The following CAGE1 variants were observed in gnomAD, a reference collection of about 807,000 sequenced individuals.
CAGE1 encodes cancer antigen 1, also known as cancer-associated gene 1 protein.
In CAGE1, 66 loss-of-function variants were observed where a neutral mutation model predicts 94.9. That is an observed-to-expected ratio of 0.70 (90% CI 0.57 to 0.85). CAGE1 has a LOEUF of 0.85. Among genes scored for constraint, CAGE1 ranks in the 40% least tolerant of loss-of-function variants. CAGE1 has a pLI of 0.00. For synonymous variants in CAGE1, 319 were observed against 321.0 expected (o/e 0.99, Z 0.07); for missense variants, 865 against 950.4 (o/e 0.91, Z 1.18).
intron 9 of CAGE1, among the ~76,000 whole-genome samples, chr6:7,359,942 C>T (rs1003250874): frequency 1.3e-5 from 2 of 152,168 alleles, no homozygotes; most frequent in Non-Finnish European, 2.9e-5. Context: ...TGGCACAGGT[C>T]TCACTGGGCT....
chr6:7,345,640 A>G (rs78938740), intron 11 of CAGE1, among the ~76,000 whole-genome samples: 2,554 of 152,308 alleles, frequency 0.017, 27 homozygotes, highest in Non-Finnish European at 0.026. Flanking sequence ...GAACGGAAAA[A>G]TTACAGGCCC....
At chr6:7,349,944 AAAAG>A (rs56998030) in intron 11 of CAGE1, among the ~76,000 whole-genome samples, 2,672 of 142,618 alleles carry the variant, frequency 0.019, 77 homozygotes, top group African/African-American at 0.064. Flanking sequence ...AAAAAAAAAA[AAAAG>A]AAAGAAAGAA....
chr6:7,345,129 ATATTG>A (rs1561851634), intron 11 of CAGE1, among the ~76,000 whole-genome samples: 4 of 44,706 alleles, frequency 8.9e-5, no homozygotes, highest in Non-Finnish European at 1.3e-4. Context: ...CTTTAGATCC[ATATTG>A]CTTTTAGGAG....
intron 13 of CAGE1, among the ~76,000 whole-genome samples, chr6:7,329,462 G>A (rs1758667887): frequency 6.6e-6 from 1 of 152,104 alleles, no homozygotes; most frequent in African/African-American, 2.4e-5. Flanking sequence ...ACCACTGAAG[G>A]GCTTTATGCA....
chr6:7,346,038 C>A (rs1345965127), intron 11 of CAGE1, among the ~76,000 whole-genome samples: 1 of 151,780 alleles, frequency 6.6e-6, no homozygotes, highest in Admixed American at 6.6e-5. Context: ...GAATATTGTT[C>A]TGATGATGTG....
chr6:7,328,427 G>A lies in CAGE1; in HGVS notation c.2478+1422C>T, dbSNP rs9505169. 6.1e-3 allele frequency among the ~76,000 whole-genome samples: 923 copies of A among 152,300 alleles called. 9 individuals carry two copies. The highest frequency in any genetic ancestry group is 0.02 in the African/African-American group (818 of 41,572). The stretch of plus-strand genomic sequence containing the variant: ...GACAGAGCAGGAAAAGCTTCAGAGA[G>A]GAGGCAGAGCTTGAGCTGACAGGCG... On this transcript the variant is annotated intron_variant, in intron 13 of 13. Coordinates refer to ENST00000502583, the MANE Select transcript of CAGE1 (RefSeq NM_001170692.2).
rs772429762 is a variant in CAGE1 at position 7,334,065 on chromosome 6, C to T, written c.2395G>A (p.Glu799Lys). 7 of 1,539,782 alleles carry T rather than the reference C, an allele frequency of 4.5e-6. No homozygotes were observed. The South Asian group carries it at 6.1e-5, about 13-fold the overall frequency. The change falls in exon 12 of 14, where the codon GAG becomes AAG. Residue 799 changes from glutamate (E) to lysine (K), a missense_variant. Coordinates refer to ENST00000502583, the MANE Select transcript of CAGE1 (RefSeq NM_001170692.2). ...TCTCTGGGCTTTCTAATTAAATCCT[C>T]TAAATGTTTATTTCTCTCTTCCAAA... ...AHLEERNKHL[E>K]DLIRKPREKA...
chr6:7,339,044 C>T lies in CAGE1; in HGVS notation c.2370-4954G>A. The T allele has an allele frequency of 1.2e-6, 2 of 1,605,980 alleles. No individual in the cohort carries two copies. The highest frequency in any genetic ancestry group is 1.7e-6 in the Non-Finnish European group (2 of 1,174,342). On this transcript the variant is annotated intron_variant, in intron 11 of 13. Coordinates refer to ENST00000502583, the MANE Select transcript of CAGE1 (RefSeq NM_001170692.2). The surrounding 1 kb of genome is among the most constrained non-coding windows in gnomAD (Gnocchi z 4.7). ...TGCCCAGCACACTCTGTCTGAGCAACACATGGCGCACAGCAGTGTCAACGT... is the reference window on the plus strand; with the variant it reads ...TGCCCAGCACACTCTGTCTGAGCAATACATGGCGCACAGCAGTGTCAACGT...
In CAGE1 at chr6:7,387,863, CAA is replaced by C. The variant is rs70978962; in HGVS notation, c.-23-669_-23-668del. 8.1e-3 allele frequency among the ~76,000 whole-genome samples: 880 copies of C among 108,910 alleles called. 8 individuals are homozygous for C. Among genetic ancestry groups the C allele is most frequent in the African/African-American group, 0.024 (713 of 30,098 alleles). The allele number at this position is 108,910 out of a possible 152,430, so 71.4% of individuals were successfully genotyped here. A position where few individuals can be genotyped will look rare whatever the true frequency, so the allele number is the denominator to read the frequency against. On this transcript the variant is annotated intron_variant, in intron 1 of 13. Transcript: ENST00000502583. Reference sequence around the variant, plus strand: ...TGAAACCCCATCTCTACTAAAAATACAAAAAAAAAAAAAAAAAAAAATTAGCT... The same window carrying C: ...TGAAACCCCATCTCTACTAAAAATACAAAAAAAAAAAAAAAAAAATTAGCT...
chr6:7,355,874 A>T lies in CAGE1; in HGVS notation c.2298+151T>A, dbSNP rs555508788. On this transcript the variant is annotated intron_variant, in intron 10 of 13. Coordinates refer to ENST00000502583, the MANE Select transcript of CAGE1 (RefSeq NM_001170692.2). ...AAAAATTAGCCAGGAATGGTGGCAC[A>T]TGCCTATAATCCCAGCTACTCATGA... The T allele has an allele frequency of 7.5e-5, 41 of 543,386 alleles. 1 individual carries two copies. The South Asian group carries it at 9.3e-4, about 12-fold the overall frequency. The allele number at this position is 543,386 out of a possible 1,614,324, so 33.7% of individuals were successfully genotyped here.
intron 11 of CAGE1, among the ~76,000 whole-genome samples, chr6:7,349,891 G>T (rs1250395305): frequency 6.8e-6 from 1 of 147,060 alleles, no homozygotes; most frequent in East Asian, 2.0e-4. Flanking sequence ...AGATCTCACT[G>T]TTGCACTCCA....
chr6:7,366,136 C>T (rs1273140530), intron 7 of CAGE1, among the ~76,000 whole-genome samples: 1 of 151,416 alleles, frequency 6.6e-6, no homozygotes, highest in Admixed American at 6.6e-5. Flanking sequence ...ATCCCAGCCA[C>T]TCAGGAGACT....
Position 7,352,306 on chromosome 6 carries a change from CAAAAAAAAACA to C in CAGE1, c.2369+2724_2369+2734del, listed in dbSNP as rs1561855959. On this transcript the variant is annotated intron_variant, in intron 11 of 13. Coordinates refer to ENST00000502583, the MANE Select transcript of CAGE1 (RefSeq NM_001170692.2). ...CAATAGCTGCAAAAAAAAAAAAAAA[CAAAAAAAAACA>C]AAAAAAAAAAACCTAACCAAAGAGT... 2.1e-3 allele frequency among the ~76,000 whole-genome samples: 223 copies of C among 103,944 alleles called. 5 individuals are homozygous for C. Among genetic ancestry groups the C allele is most frequent in the South Asian group, 0.012 (41 of 3,368 alleles). 68.2% of individuals were successfully genotyped at this position (103,944 alleles called of 152,430 possible).
chr6:7,365,463 C>T lies in CAGE1; in HGVS notation c.2193+5G>A. The T allele has an allele frequency of 6.2e-7, 1 of 1,609,744 alleles. No individual in the cohort carries two copies. ...AATAGCAAGGTAAAAAAAGGTCTTT[C>T]TTACCAAGAAATCAAGCTCCTCATT... is the stretch of plus-strand genomic sequence containing the variant. On this transcript the variant is annotated splice_donor_5th_base_variant and intron_variant, in intron 9 of 13. Coordinates refer to ENST00000502583, the MANE Select transcript of CAGE1 (RefSeq NM_001170692.2).
intron 9 of CAGE1, among the ~76,000 whole-genome samples, chr6:7,360,586 G>T (rs556729457): frequency 5.9e-5 from 9 of 152,294 alleles, no homozygotes; most frequent in African/African-American, 1.2e-4. Flanking sequence ...GATATGGGAA[G>T]AAGATTGGCT....
chr6:7,345,750 C>T (rs994286544), intron 11 of CAGE1, among the ~76,000 whole-genome samples: 3 of 151,696 alleles, frequency 2.0e-5, no homozygotes, highest in South Asian at 2.1e-4. Context: ...ACTAAAACCC[C>T]GTCTCTACTA....
intron 11 of CAGE1, chr6:7,338,808 A>C: frequency 1.1e-6 from 1 of 888,592 alleles, no homozygotes; most frequent in South Asian, 1.3e-5. Context: ...CAACATCCAG[A>C]CTCCAGAATA....
At chr6:7,328,895 TGTGTGTGTGTG>T (rs1376609550) in intron 13 of CAGE1, among the ~76,000 whole-genome samples, 2 of 92,648 alleles carry the variant, frequency 2.2e-5, no homozygotes, top group Non-Finnish European at 4.5e-5. Flanking sequence ...TGTGTGTGTG[TGTGTGTGTGTG>T]TGTGTGTGTG....
intron 11 of CAGE1, among the ~76,000 whole-genome samples, chr6:7,345,293 G>C (rs568569417): frequency 6.6e-6 from 1 of 152,132 alleles, no homozygotes; most frequent in South Asian, 2.1e-4. Context: ...GACTGTTAAA[G>C]GTTTGCAGTT....
Sources: allele counts gnomAD v4.1 joint callset (sites outside exome capture counted in the v4.1 genomes callset), GRCh38; gene constraint gnomAD v4.1.1; non-coding constraint Gnocchi (gnomAD v3.1); transcripts MANE v1.5; gene names NCBI Gene and HGNC (gene_info 2026-07-23, HGNC 2026-07-21).